Variants in MYO1F observed in about 807,000 individuals in gnomAD.
The protein encoded by MYO1F is unconventional myosin-If.
Under a neutral mutation model 146.6 loss-of-function variants are expected in MYO1F, and 60 were observed. The observed-to-expected ratio is 0.41, with a 90% confidence interval of 0.33 to 0.51. The LOEUF (loss-of-function observed/expected upper bound fraction) is 0.51, where lower values mean the gene tolerates loss of function less well. Among genes scored for constraint, MYO1F ranks in the 20% least tolerant of loss-of-function variants. The pLI, the probability that MYO1F is intolerant of heterozygous loss-of-function variation, is 0.25. For synonymous variants in MYO1F, 602 were observed against 602.1 expected (o/e 1.00, Z 0.00); for missense variants, 1,274 against 1,534.3 (o/e 0.83, Z 2.83).
rs1017998194 is a variant in MYO1F at position 8,556,799 on chromosome 19, A to G, written c.4-1003T>C. Among the ~76,000 whole-genome samples the G allele has an allele frequency of 4.6e-5, 7 of 151,118 alleles. No homozygotes were observed. The Admixed American group carries it at 4.7e-4, about 10-fold the overall frequency. ...CTACTCGGGAGGCTGAGGCAGGAGA[A>G]TCGCTTGAACCTGGGAGACAGAGGT... On this transcript the variant is annotated intron_variant, in intron 1 of 27. Transcript: ENST00000644032.
At chr19:8,533,296 TG>T (rs1972567776) in intron 19 of MYO1F, among the ~76,000 whole-genome samples, 1 of 151,682 alleles carries the variant, frequency 6.6e-6, no homozygotes, top group Admixed American at 6.6e-5. Context: ...CCCAAAGTGC[TG>T]GGATTACAGG....
In MYO1F at chr19:8,540,141, G is replaced by A; in HGVS notation, c.1611-113C>T. 7.8e-6 allele frequency: 6 copies of A among 773,652 alleles called. No homozygotes were observed. The South Asian group carries it at 1.1e-4, about 14-fold the overall frequency. The allele number at this position is 773,652 out of a possible 1,614,324, so 47.9% of individuals were successfully genotyped here. ...CAACGCAAAATATGGTTCTCTCAATGTGGAGGGGAGCTGTGATGGGTGAGA... is the reference window on the plus strand; with the variant it reads ...CAACGCAAAATATGGTTCTCTCAATATGGAGGGGAGCTGTGATGGGTGAGA... On this transcript the variant is annotated intron_variant, in intron 15 of 27. Transcript: ENST00000644032.
chr19:8,521,671 G>A lies in MYO1F; in HGVS notation c.3221-67C>T. On this transcript the variant is annotated intron_variant, in intron 27 of 27. Coordinates refer to ENST00000644032, the MANE Select transcript of MYO1F (RefSeq NM_012335.4). The stretch of plus-strand genomic sequence containing the variant: ...TGGAGAAAGCTCTCATGCCTGGTCT[G>A]TCCATCTTGTTCATGGGGACTCCCT... 2.7e-6 allele frequency: 4 copies of A among 1,459,512 alleles called. No homozygotes were observed. The East Asian group carries it at 9.1e-5, about 33-fold the overall frequency. 90.4% of individuals were successfully genotyped at this position (1,459,512 alleles called of 1,614,324 possible).
At chr19:8,561,512 T>TCTTCTCTCTTTCTCTCTTC (rs1974124928) in intron 1 of MYO1F, among the ~76,000 whole-genome samples, 1 of 140,424 alleles carries the variant, frequency 7.1e-6, no homozygotes, top group African/African-American at 2.7e-5. Flanking sequence ...TCTCTCTCAT[T>TCTTCTCTCTTTCTCTCTTC]CTTCTCTCTT....
At chr19:8,574,576 TTTC>T (rs1907502064) in intron 1 of MYO1F, among the ~76,000 whole-genome samples, 2 of 87,520 alleles carry the variant, frequency 2.3e-5, no homozygotes, top group African/African-American at 1.2e-4. Flanking sequence ...TCTTTCTTTC[TTTC>T]TCTCTCTCTC....
chr19:8,562,185 T>C (rs559085544), intron 1 of MYO1F, among the ~76,000 whole-genome samples: 2 of 151,764 alleles, frequency 1.3e-5, no homozygotes, highest in East Asian at 3.9e-4. Context: ...GTATTTTTAG[T>C]GGAGACGAGG....
chr19:8,521,406 G>T lies in MYO1F; in HGVS notation c.*122C>A. Reference sequence around the variant, plus strand: ...GCCTGGGCAGGACTGGAGGCCAAAGGACTGGACTTTTAGGCTATTGCAGCC... The same window carrying T: ...GCCTGGGCAGGACTGGAGGCCAAAGTACTGGACTTTTAGGCTATTGCAGCC... On this transcript the variant is annotated 3_prime_UTR_variant, in exon 28 of 28. Coordinates refer to ENST00000644032, the MANE Select transcript of MYO1F (RefSeq NM_012335.4). 1 of 1,056,892 alleles carries T rather than the reference G, an allele frequency of 9.5e-7. No individual in the cohort carries two copies. The allele number at this position is 1,056,892 out of a possible 1,614,324, so 65.5% of individuals were successfully genotyped here.
Position 8,521,202 on chromosome 19 carries a change from C to A in MYO1F, c.*326G>T, listed in dbSNP as rs1054623. ...CCCCCCCCTCCCCAACTGTGCCTGGCACTTTGCCAACAGCACAGGACTCAA... is the reference window on the plus strand; with the variant it reads ...CCCCCCCCTCCCCAACTGTGCCTGGAACTTTGCCAACAGCACAGGACTCAA... On this transcript the variant is annotated 3_prime_UTR_variant, in exon 28 of 28. Coordinates refer to ENST00000644032, the MANE Select transcript of MYO1F (RefSeq NM_012335.4). 0.19 allele frequency: 76,305 copies of A among 409,970 alleles called. 7,740 individuals carry two copies. The highest frequency in any genetic ancestry group is 0.29 in the African/African-American group (14,310 of 49,260). 25.4% of individuals were successfully genotyped at this position (409,970 alleles called of 1,614,324 possible). A position where few individuals can be genotyped will look rare whatever the true frequency, so the allele number is the denominator to read the frequency against.
rs1227060281 is a variant in MYO1F at position 8,522,789 on chromosome 19, G to A, written c.2895C>T (p.Gly965=). ...RNGVPPSARG[G]PLPLEIMSGG... Reference sequence around the variant, plus strand: ...CAGACATGATCTCCAGGGGCAGGGGGCCCCCTCTGGCAGAGGGGGGCACCC... The same window carrying A: ...CAGACATGATCTCCAGGGGCAGGGGACCCCCTCTGGCAGAGGGGGGCACCC... The change falls in exon 26 of 28, where the codon GGC becomes GGT. Residue 965 remains glycine, a synonymous_variant. Coordinates refer to ENST00000644032, the MANE Select transcript of MYO1F (RefSeq NM_012335.4). 2 of 1,597,068 alleles carry A rather than the reference G, an allele frequency of 1.3e-6. No homozygotes were observed. Among genetic ancestry groups the A allele is most frequent in the Non-Finnish European group, 1.7e-6 (2 of 1,174,022 alleles).
chr19:8,531,740 A>C (rs186531833), intron 19 of MYO1F, among the ~76,000 whole-genome samples: 241 of 152,316 alleles, frequency 1.6e-3, no homozygotes, highest in African/African-American at 5.6e-3. Flanking sequence ...GTTACTCGAC[A>C]CTATCCACGA....
Position 8,521,364 on chromosome 19 carries a change from T to G in MYO1F, c.*164A>C, listed in dbSNP as rs1187344784. On this transcript the variant is annotated 3_prime_UTR_variant, in exon 28 of 28. Coordinates refer to ENST00000644032, the MANE Select transcript of MYO1F (RefSeq NM_012335.4). ...GGCCCAGGGGCGGGGGCTGCAGCAG[T>G]GACCTGGTGACCCAGGGCCTGGGCA... 1.4e-6 allele frequency: 1 copy of G among 718,056 alleles called. No individual in the cohort carries two copies. Among genetic ancestry groups the G allele is most frequent in the Non-Finnish European group, 2.5e-6 (1 of 402,098 alleles). 44.5% of individuals were successfully genotyped at this position (718,056 alleles called of 1,614,324 possible). A position where few individuals can be genotyped will look rare whatever the true frequency, so the allele number is the denominator to read the frequency against.
intron 2 of MYO1F, 59 bp downstream of exon 2, chr19:8,555,600 C>A (rs548944592): frequency 2.5e-6 from 4 of 1,611,340 alleles, no homozygotes; most frequent in Non-Finnish European, 3.4e-6. Flanking sequence ...CCTCTCCGTC[C>A]ATGGCCCAGC....
chr19:8,536,351 G>A lies in MYO1F; in HGVS notation c.1944C>T (p.Asp648=), dbSNP rs758730779. The change falls in exon 19 of 28, where the codon GAC becomes GAT. Residue 648 remains aspartate (D), a synonymous_variant. Transcript: ENST00000644032. ...TPETWPRWRG[D]ERQGVQHLLR... ...GCAGGTGCTGGACGCCCTGGCGTTC[G>A]TCCCCACGCCACCGCGGCCACGTCT... The A allele has an allele frequency of 6.2e-6, 10 of 1,605,376 alleles. No individual in the cohort carries two copies. The highest frequency in any genetic ancestry group is 2.2e-5 in the East Asian group (1 of 44,650).
At chr19:8,553,892 A>ACTCTCT (rs569819927) in intron 4 of MYO1F, among the ~76,000 whole-genome samples, 8,663 of 104,590 alleles carry the variant, frequency 0.083, 408 homozygotes, top group Non-Finnish European at 0.12. Context: ...ACACACACAC[A>ACTCTCT]CACTCTCTCT....
In MYO1F at chr19:8,536,558, G is replaced by A. The variant is rs1972725641; in HGVS notation, c.1839C>T (p.Asn613=). 1.3e-6 allele frequency: 2 copies of A among 1,578,232 alleles called. No individual in the cohort carries two copies. The highest frequency in any genetic ancestry group is 8.6e-7 in the Non-Finnish European group (1 of 1,160,170). Residue 613 remains asparagine (N), a synonymous_variant, in exon 18 of 28, where the codon AAC becomes AAT. Coordinates refer to ENST00000644032, the MANE Select transcript of MYO1F (RefSeq NM_012335.4). ...HQVEYLGLKE[N]IRVRRAGFAY... is the part of the protein sequence containing the mutation. Reference sequence around the variant, plus strand: ...CGAAGCCGGCTCTGCGCACCCTGATGTTCTCCTTCAGGCCCAGGTATTCCA... The same window carrying A: ...CGAAGCCGGCTCTGCGCACCCTGATATTCTCCTTCAGGCCCAGGTATTCCA...
At chr19:8,572,021 C>A (rs1483239722) in intron 1 of MYO1F, among the ~76,000 whole-genome samples, 1 of 152,144 alleles carries the variant, frequency 6.6e-6, no homozygotes, top group Non-Finnish European at 1.5e-5. Flanking sequence ...CCGCGCCTGG[C>A]CTTTATACGT....
chr19:8,549,370 C>T (rs1365414761), intron 10 of MYO1F: 2 of 150,404 alleles, frequency 1.3e-5, no homozygotes, highest in Non-Finnish European at 3.0e-5. Flanking sequence ...CTCCTGGGGT[C>T]AGGGATTCTT....
chr19:8,549,863 C>T (rs1381237105), intron 10 of MYO1F: 1 of 502,382 alleles, frequency 2.0e-6, no homozygotes, highest in Non-Finnish European at 3.6e-6. Flanking sequence ...TACAATAGCG[C>T]AATCATAGCT....
chr19:8,544,275 A>T (rs1437412396), intron 14 of MYO1F, 22 bp downstream of exon 14: 1 of 1,607,256 alleles, frequency 6.2e-7, no homozygotes, highest in East Asian at 2.2e-5. Flanking sequence ...GGCACAGGGT[A>T]GGGTAGGGGC....
Sources: allele counts gnomAD v4.1 joint callset (sites outside exome capture counted in the v4.1 genomes callset), GRCh38; gene constraint gnomAD v4.1.1; transcripts MANE v1.5; gene names NCBI Gene and HGNC (gene_info 2026-07-23, HGNC 2026-07-21).